The following PAX5 variants were observed in gnomAD, a reference collection of about 807,000 sequenced individuals.
PAX5 encodes the protein paired box protein Pax-5.
In PAX5, 9 loss-of-function variants were observed where a neutral mutation model predicts 43.7. The ratio of observed to expected loss-of-function variants is 0.21; its 90% CI spans 0.12 to 0.36. PAX5 has a LOEUF of 0.36. Among genes scored for constraint, PAX5 ranks in the 10% least tolerant of loss-of-function variants. The pLI, the probability that PAX5 is intolerant of heterozygous loss-of-function variation, is 1.00. For synonymous variants in PAX5, 228 were observed against 214.3 expected (o/e 1.06, Z -0.56); for missense variants, 383 against 532.7 (o/e 0.72, Z 2.77).
chr9:37,003,035 A>C (rs1838049236), intron 4 of PAX5, among the ~76,000 whole-genome samples: 1 of 152,056 alleles, frequency 6.6e-6, no homozygotes, highest in Admixed American at 6.5e-5. Flanking sequence ...TGCAGAAAGG[A>C]ACACGGGGAC....
intron 6 of PAX5, among the ~76,000 whole-genome samples, chr9:36,929,382 T>A (rs1724473523): frequency 6.6e-6 from 1 of 152,114 alleles, no homozygotes; most frequent in Admixed American, 6.6e-5. Flanking sequence ...CTACTTCCAT[T>A]TCTCAGTTTT....
intron 5 of PAX5, among the ~76,000 whole-genome samples, chr9:36,996,201 C>T (rs891365738): frequency 3.2e-4 from 49 of 152,278 alleles, no homozygotes; most frequent in African/African-American, 1.2e-3. Flanking sequence ...ACGGGCCTCA[C>T]GTCCTCAAAC....
chr9:36,915,845 G>C (rs1196589249), intron 7 of PAX5, among the ~76,000 whole-genome samples: 1 of 152,158 alleles, frequency 6.6e-6, no homozygotes, highest in African/African-American at 2.4e-5. Flanking sequence ...GCCAAGGTGA[G>C]AGAATCACTT....
intron 6 of PAX5, among the ~76,000 whole-genome samples, chr9:36,965,822 C>A (rs1434441639): frequency 6.6e-6 from 1 of 152,132 alleles, no homozygotes; most frequent in Non-Finnish European, 1.5e-5. Context: ...CACTGGGTGT[C>A]AGGAAATAGT....
intron 9 of PAX5, among the ~76,000 whole-genome samples, chr9:36,843,616 T>A (rs1163785159): frequency 6.6e-6 from 1 of 152,240 alleles, no homozygotes; most frequent in Non-Finnish European, 1.5e-5. Flanking sequence ...GTGCTCTTCC[T>A]GTGTTTGTAG....
intron 5 of PAX5, among the ~76,000 whole-genome samples, chr9:36,972,097 T>A (rs1834964752): frequency 6.6e-6 from 1 of 152,256 alleles, no homozygotes; most frequent in African/African-American, 2.4e-5. Flanking sequence ...CCTCCTAGCA[T>A]CATGGCTTTT....
chr9:37,005,573 C>T (rs1043079601), intron 4 of PAX5, among the ~76,000 whole-genome samples: 11 of 152,324 alleles, frequency 7.2e-5, no homozygotes, highest in African/African-American at 2.6e-4. Flanking sequence ...AAAGTTGGAA[C>T]TGGAGGCCAG....
At chr9:37,020,607 C>T in intron 2 of PAX5, 29 bp downstream of exon 2, 1 of 1,611,132 alleles carries the variant, frequency 6.2e-7, no homozygotes, top group Non-Finnish European at 8.5e-7. Context: ...TTTGAAAGAT[C>T]AAGGGAAGCC....
intron 9 of PAX5, among the ~76,000 whole-genome samples, chr9:36,846,588 C>T (rs928253599): frequency 9.2e-5 from 14 of 152,020 alleles, no homozygotes; most frequent in Non-Finnish European, 2.1e-4. Context: ...CCCTTTTTTC[C>T]TCTGTTTCCC....
chr9:36,942,399 T>A (rs1188714735), intron 6 of PAX5, among the ~76,000 whole-genome samples: 1 of 152,208 alleles, frequency 6.6e-6, no homozygotes, highest in Admixed American at 6.5e-5. Flanking sequence ...ACAGGCAAAA[T>A]GGGAATCATA....
At chr9:37,024,248 T>C (rs966065344) in intron 1 of PAX5, among the ~76,000 whole-genome samples, 5 of 152,094 alleles carry the variant, frequency 3.3e-5, no homozygotes, top group Admixed American at 3.3e-4. Context: ...ATCGTGCTGA[T>C]GAAAATGATG....
At chr9:36,923,593 T>G in intron 6 of PAX5, 109 bp from the exon 7 acceptor site, 3 of 1,304,102 alleles carry the variant, frequency 2.3e-6, no homozygotes, top group Non-Finnish European at 3.1e-6. Flanking sequence ...TCCATGCCTG[T>G]GCCAAGGCCC....
At chr9:36,889,959 G>A (rs1372651867) in intron 7 of PAX5, among the ~76,000 whole-genome samples, 1 of 147,702 alleles carries the variant, frequency 6.8e-6, no homozygotes, top group Non-Finnish European at 1.5e-5. Context: ...GGGGGAATGT[G>A]AATCCAATTA....
intron 5 of PAX5, among the ~76,000 whole-genome samples, chr9:36,981,653 G>A (rs1486857340): frequency 1.3e-5 from 2 of 152,178 alleles, no homozygotes; most frequent in Non-Finnish European, 2.9e-5. Flanking sequence ...CACAGTGCCC[G>A]ACACCACATC....
intron 6 of PAX5, among the ~76,000 whole-genome samples, chr9:36,956,272 A>G (rs2132134097): frequency 6.6e-6 from 1 of 152,378 alleles, no homozygotes; most frequent in African/African-American, 2.4e-5. Flanking sequence ...ACAACCGAGC[A>G]AGGTGCAGGC....
rs748320788 is a variant in PAX5 at position 36,957,177 on chromosome 9, C to T, written c.780+9372G>A. Among the ~76,000 whole-genome samples the T allele has an allele frequency of 2.6e-5, 4 of 152,360 alleles. No individual in the cohort carries two copies. The East Asian group carries it at 5.8e-4, about 22-fold the overall frequency. ...TTCTCTGGATCTTCAAGCTTCTACA[C>T]GCTTCAGGTTTCCCATAGGAAGGCC... is the stretch of plus-strand genomic sequence containing the variant. On this transcript the variant is annotated intron_variant, in intron 6 of 9. Coordinates refer to ENST00000358127, the MANE Select transcript of PAX5 (RefSeq NM_016734.3).
At chr9:36,848,784 A>G (rs1363028650) in intron 8 of PAX5, among the ~76,000 whole-genome samples, 2 of 152,184 alleles carry the variant, frequency 1.3e-5, no homozygotes, top group African/African-American at 4.8e-5. Flanking sequence ...CACTTCTTCC[A>G]GGAAGCCTCC....
At position 36,834,041 on chromosome 9, in the gene PAX5, A is replaced by G. The variant is rs1451602522; in HGVS notation, c.*6519T>C. On this transcript the variant is annotated 3_prime_UTR_variant, in exon 10 of 10. Transcript: ENST00000358127. Reference sequence around the variant, plus strand: ...TTCCTGGCAAAGGTTTCCATTTGCAATGTAATCTGCATTTCTACAAATACT... The same window carrying G: ...TTCCTGGCAAAGGTTTCCATTTGCAGTGTAATCTGCATTTCTACAAATACT... The G allele has an allele frequency of 4.3e-6, 1 of 233,086 alleles. No homozygotes were observed. The highest frequency in any genetic ancestry group is 2.2e-5 in the African/African-American group (1 of 45,348). The allele number at this position is 233,086 out of a possible 1,614,324, so 14.4% of individuals were successfully genotyped here.
At chr9:36,920,567 A>C (rs1293360929) in intron 7 of PAX5, among the ~76,000 whole-genome samples, 1 of 152,206 alleles carries the variant, frequency 6.6e-6, no homozygotes, top group Non-Finnish European at 1.5e-5. Context: ...CACTTACTAG[A>C]CTACAGTACT....
Sources: gnomAD v4.1 joint callset for allele counts (sites outside exome capture counted in the v4.1 genomes callset) on GRCh38, gnomAD v4.1.1 for gene constraint, MANE v1.5 for transcripts, NCBI Gene and HGNC (gene_info 2026-07-23, HGNC 2026-07-21) for gene names.